PJA2: variants seen among roughly 807,000 people sequenced by gnomAD.
PJA2 encodes E3 ubiquitin-protein ligase Praja-2.
In PJA2, 25 loss-of-function variants were observed where a neutral mutation model predicts 69.3. The ratio of observed to expected loss-of-function variants is 0.36; its 90% CI spans 0.26 to 0.50. The LOEUF (loss-of-function observed/expected upper bound fraction) is 0.50, where lower values mean the gene tolerates loss of function less well. PJA2 is among the 20% of genes least tolerant of loss of function. The pLI is 0.96. For missense variants in PJA2, 809 were observed against 830.2 expected (o/e 0.97, Z 0.31); for synonymous variants, 308 against 277.8 (o/e 1.11, Z -1.08).
chr5:109,399,701 T>C (rs1747496031), intron 1 of PJA2, among the ~76,000 whole-genome samples: 1 of 152,100 alleles, frequency 6.6e-6, no homozygotes, highest in South Asian at 2.1e-4. Flanking sequence ...AAGTCTGCCA[T>C]TCAGTCAAAA....
rs1227823250 is a variant in PJA2 at position 109,360,951 on chromosome 5, A to C, written c.1652+1889T>G. Among the ~76,000 whole-genome samples the C allele has an allele frequency of 3.9e-5, 6 of 152,230 alleles. No individual in the cohort carries two copies. The East Asian group carries it at 1.2e-3, about 29-fold the overall frequency. On this transcript the variant is annotated intron_variant, in intron 6 of 9. Coordinates refer to ENST00000361189, the MANE Select transcript of PJA2 (RefSeq NM_014819.5). ...GAGACCAGCCCGGGCAACATGGTGAAACCCTGTCTGTACTGAAAATACACA... is the reference window on the plus strand; with the variant it reads ...GAGACCAGCCCGGGCAACATGGTGACACCCTGTCTGTACTGAAAATACACA...
intron 9 of PJA2, among the ~76,000 whole-genome samples, chr5:109,342,793 C>T (rs1762099912): frequency 8.6e-6 from 1 of 116,330 alleles, no homozygotes; most frequent in Non-Finnish European, 1.8e-5. Flanking sequence ...GTGAGGAGCC[C>T]CTCTGCCCGG....
chr5:109,407,762 C>T (rs1309805148), intron 1 of PJA2, among the ~76,000 whole-genome samples: 1 of 151,552 alleles, frequency 6.6e-6, no homozygotes, highest in East Asian at 1.9e-4. Context: ...CGAATCAAAC[C>T]ATAAAATAGG....
chr5:109,366,949 T>C (rs1008211869), intron 5 of PJA2, among the ~76,000 whole-genome samples: 1 of 151,890 alleles, frequency 6.6e-6, no homozygotes, highest in Non-Finnish European at 1.5e-5. Context: ...CTGGCTAACA[T>C]GGTGAAACCC....
intron 1 of PJA2, among the ~76,000 whole-genome samples, chr5:109,404,807 G>C (rs1021304147): frequency 6.6e-6 from 1 of 152,116 alleles, no homozygotes; most frequent in Non-Finnish European, 1.5e-5. Context: ...TTTTGGAAGG[G>C]ACATAAGCAT....
At chr5:109,354,452 A>C (rs1388721937) in intron 7 of PJA2, among the ~76,000 whole-genome samples, 7 of 126,740 alleles carry the variant, frequency 5.5e-5, no homozygotes, top group Admixed American at 8.1e-5. Context: ...TATAGATTAG[A>C]TATCTATGAT....
Position 109,396,163 on chromosome 5 carries a change from A to G in PJA2, c.-87-12643T>C, listed in dbSNP as rs141930469. Among the ~76,000 whole-genome samples, 14 of 152,300 alleles carry G rather than the reference A, an allele frequency of 9.2e-5. No individual in the cohort carries two copies. In the East Asian group the frequency reaches 2.7e-3, roughly 29 times the overall value. ...AAACAGTATATACTGAGTCTACTGC[A>G]AAAGACTCATCATTAGATATGATTA... is the stretch of plus-strand genomic sequence containing the variant. On this transcript the variant is annotated intron_variant, in intron 1 of 9. Transcript: ENST00000361189.
intron 1 of PJA2, among the ~76,000 whole-genome samples, chr5:109,397,134 C>A (rs1747433008): frequency 6.6e-6 from 1 of 152,210 alleles, no homozygotes; most frequent in South Asian, 2.1e-4. Flanking sequence ...AGACAAGCAA[C>A]AGGTGCCATA....
At chr5:109,345,693 C>A (rs1762163326) in intron 7 of PJA2, among the ~76,000 whole-genome samples, 1 of 152,058 alleles carries the variant, frequency 6.6e-6, no homozygotes, top group Non-Finnish European at 1.5e-5. Context: ...GTGGCTGAGG[C>A]TACTAGAAGC....
At chr5:109,341,334 C>A (rs1374750484) in intron 9 of PJA2, among the ~76,000 whole-genome samples, 1 of 150,596 alleles carries the variant, frequency 6.6e-6, no homozygotes, top group African/African-American at 2.4e-5. Context: ...CGGCCGAGAC[C>A]CCGTCTGGGA....
chr5:109,385,788 C>T (rs1747143525), intron 1 of PJA2, among the ~76,000 whole-genome samples: 2 of 151,944 alleles, frequency 1.3e-5, no homozygotes, highest in Admixed American at 6.6e-5. Flanking sequence ...ACCAGAAGTG[C>T]GGATTTGGGA....
At chr5:109,347,338 A>T (rs1256861565) in intron 7 of PJA2, among the ~76,000 whole-genome samples, 1 of 152,214 alleles carries the variant, frequency 6.6e-6, no homozygotes, top group Admixed American at 6.5e-5. Context: ...GGAGAGACAC[A>T]AGGAAAGGAC....
chr5:109,354,126 A>AGATATCTATGATG (rs1762348137), intron 7 of PJA2, among the ~76,000 whole-genome samples: 2 of 114,696 alleles, frequency 1.7e-5, no homozygotes, highest in Non-Finnish European at 3.8e-5. Flanking sequence ...TATCTATGGT[A>AGATATCTATGATG]TCTAGAGCTG....
chr5:109,365,694 C>CA lies in PJA2; in HGVS notation c.1470-2673dup, dbSNP rs1188961794. Among the ~76,000 whole-genome samples the CA allele has an allele frequency of 4.6e-5, 7 of 152,240 alleles. No homozygotes were observed. The South Asian group carries it at 1.2e-3, about 27-fold the overall frequency. ...ATTCATTAAATATTTCCAAAGCACT[C>CA]AAACTTGTGTCATTAAATCTGTATT... On this transcript the variant is annotated intron_variant, in intron 5 of 9. Transcript: ENST00000361189.
At chr5:109,369,552 T>G (rs1464346333) in intron 4 of PJA2, among the ~76,000 whole-genome samples, 1 of 152,202 alleles carries the variant, frequency 6.6e-6, no homozygotes, top group Non-Finnish European at 1.5e-5. Flanking sequence ...AACTTTCAAA[T>G]TATATACTGA....
chr5:109,384,057 T>C lies in PJA2; in HGVS notation c.-87-537A>G, dbSNP rs151247377. On this transcript the variant is annotated intron_variant, in intron 1 of 9. Transcript: ENST00000361189. ...TTGATAAACCTTGCCTAAGTATATA[T>C]CATCCTTAAGACTGTCAATGACAAC... 1.0e-3 allele frequency among the ~76,000 whole-genome samples: 158 copies of C among 152,312 alleles called. 2 individuals carry two copies. Among genetic ancestry groups the C allele is most frequent in the African/African-American group, 3.7e-3 (153 of 41,574 alleles).
At chr5:109,381,378 T>C in intron 3 of PJA2, 125 bp downstream of exon 3, 5 of 656,496 alleles carry the variant, frequency 7.6e-6, no homozygotes, top group Non-Finnish European at 1.0e-5. Context: ...CAAAATAGAA[T>C]TTCTTGATAG....
chr5:109,393,532 G>C (rs1747329507), intron 1 of PJA2, among the ~76,000 whole-genome samples: 1 of 152,136 alleles, frequency 6.6e-6, no homozygotes, highest in Non-Finnish European at 1.5e-5. Context: ...TTATATGGCA[G>C]GCTGTTGAGG....
At chr5:109,354,381 T>TGGATATCTATATCTAG (rs1561346186) in intron 7 of PJA2, among the ~76,000 whole-genome samples, 1 of 137,500 alleles carries the variant, frequency 7.3e-6, no homozygotes, top group Admixed American at 7.1e-5. Context: ...ATCTATAGAT[T>TGGATATCTATATCTAG]AGATATCTCT....
Sources: allele counts gnomAD v4.1 joint callset (sites outside exome capture counted in the v4.1 genomes callset), GRCh38; gene constraint gnomAD v4.1.1; transcripts MANE v1.5; gene names NCBI Gene and HGNC (gene_info 2026-07-23, HGNC 2026-07-21).